EPB41L4A: variants seen among roughly 807,000 people sequenced by gnomAD.
EPB41L4A encodes the protein erythrocyte membrane protein band 4.1 like 4A.
EPB41L4A carries 100 observed loss-of-function variants against 108.6 expected under a neutral mutation model. The observed-to-expected ratio is 0.92, with a 90% confidence interval of 0.78 to 1.09. The LOEUF (loss-of-function observed/expected upper bound fraction) is 1.09, where lower values mean the gene tolerates loss of function less well. EPB41L4A is among the 50% of genes least tolerant of loss of function. The pLI is 0.00. For missense variants in EPB41L4A, 1,030 were observed against 842.7 expected, an observed-to-expected ratio of 1.22 and a Z score of -2.75; for synonymous variants, 319 against 289.0, an observed-to-expected ratio of 1.10 and a Z score of -1.05.
chr5:112,387,746 T>G (rs1760659693), intron 1 of EPB41L4A, among the ~76,000 whole-genome samples: 1 of 152,226 alleles, frequency 6.6e-6, no homozygotes, highest in Non-Finnish European at 1.5e-5. Flanking sequence ...AGTTTCTACA[T>G]TTTCAAATAT....
chr5:112,254,970 G>C (rs1313684344), intron 9 of EPB41L4A, among the ~76,000 whole-genome samples: 1 of 151,974 alleles, frequency 6.6e-6, no homozygotes, highest in Non-Finnish European at 1.5e-5. Context: ...TGTAGCCCTC[G>C]AGGGATGGCT....
At chr5:112,419,599 T>G (rs1438092764), upstream of EPB41L4A, 3 of 454,700 alleles carry the variant, frequency 6.6e-6, no homozygotes, top group South Asian at 3.1e-5. Context: ...CCGCCGAGTA[T>G]GAAGCGCTCG....
chr5:112,202,608 G>A (rs1314986320), intron 15 of EPB41L4A, among the ~76,000 whole-genome samples: 1 of 152,074 alleles, frequency 6.6e-6, no homozygotes, highest in Non-Finnish European at 1.5e-5. Flanking sequence ...CTATTATTCT[G>A]TCTAATCATT....
At chr5:112,198,766 CTAATTT>C (rs1762083533) in intron 15 of EPB41L4A, among the ~76,000 whole-genome samples, 1 of 152,142 alleles carries the variant, frequency 6.6e-6, no homozygotes, top group Non-Finnish European at 1.5e-5. Context: ...TTCTGCCACA[CTAATTT>C]TAAGCCTAAT....
At chr5:112,202,317 C>T (rs925628955) in intron 15 of EPB41L4A, among the ~76,000 whole-genome samples, 20 of 152,174 alleles carry the variant, frequency 1.3e-4, no homozygotes, top group Admixed American at 9.8e-4. Context: ...TTCTGGTCTC[C>T]AGGTAACACC....
chr5:112,376,397 C>T (rs895985562), intron 1 of EPB41L4A, among the ~76,000 whole-genome samples: 2 of 152,132 alleles, frequency 1.3e-5, no homozygotes, highest in African/African-American at 2.4e-5. Context: ...CTGCCAAGGA[C>T]ACAAAGAAAT....
Position 112,168,751 on chromosome 5 carries a change from A to T in EPB41L4A, c.1920T>A (p.Ala640=). The change falls in exon 22 of 23, where the codon GCT becomes GCA. Residue 640 remains alanine, a synonymous_variant. Coordinates refer to ENST00000261486, the MANE Select transcript of EPB41L4A (RefSeq NM_022140.5). ...RSSDAQGSGD[A]TVHQRRNGSK... ...TACTATTACTAACCTGATGAACTGT[A>T]GCATCCCCAGAACCCTGAGCATCCG... 2 of 1,613,494 alleles carry T rather than the reference A, an allele frequency of 1.2e-6. No individual in the cohort carries two copies. The highest frequency in any genetic ancestry group is 1.7e-6 in the Non-Finnish European group (2 of 1,179,386).
intron 2 of EPB41L4A, among the ~76,000 whole-genome samples, chr5:112,299,451 T>C (rs1754214356): frequency 6.6e-6 from 1 of 152,224 alleles, no homozygotes; most frequent in Non-Finnish European, 1.5e-5. Context: ...TGGCCTATCA[T>C]ATGGTCTATT....
At chr5:112,408,349 G>C (rs1283298132) in intron 1 of EPB41L4A, among the ~76,000 whole-genome samples, 2 of 152,058 alleles carry the variant, frequency 1.3e-5, no homozygotes, top group Admixed American at 6.5e-5. Context: ...AAAAAATATA[G>C]ATAAACTGGA....
At chr5:112,346,637 A>T (rs1227231250) in intron 1 of EPB41L4A, among the ~76,000 whole-genome samples, 1 of 152,224 alleles carries the variant, frequency 6.6e-6, no homozygotes, top group African/African-American at 2.4e-5. Context: ...GGTTCTCACC[A>T]AAAACGTTAG....
intron 9 of EPB41L4A, chr5:112,257,266 T>C (rs1009278483): frequency 6.6e-6 from 1 of 152,188 alleles, no homozygotes; most frequent in Non-Finnish European, 1.5e-5. Context: ...TTTGACTAAA[T>C]GAATGTGATA....
intron 1 of EPB41L4A, among the ~76,000 whole-genome samples, chr5:112,397,807 G>C (rs1247736921): frequency 6.6e-6 from 1 of 152,170 alleles, no homozygotes; most frequent in Non-Finnish European, 1.5e-5. Flanking sequence ...GAAATGAAGA[G>C]AGTCAGGGAC....
chr5:112,345,768 C>CAT (rs113557925), intron 1 of EPB41L4A, among the ~76,000 whole-genome samples: 86 of 119,220 alleles, frequency 7.2e-4, no homozygotes, highest in Admixed American at 2.0e-3. Context: ...TATATATATA[C>CAT]ATATATATAT....
intron 17 of EPB41L4A, among the ~76,000 whole-genome samples, chr5:112,187,821 T>A (rs1761501363): frequency 6.6e-6 from 1 of 152,210 alleles, no homozygotes; most frequent in African/African-American, 2.4e-5. Flanking sequence ...TAAGAAGTCT[T>A]TCAGAGAGAA....
At chr5:112,208,113 G>A (rs967076836) in intron 13 of EPB41L4A, among the ~76,000 whole-genome samples, 1 of 151,974 alleles carries the variant, frequency 6.6e-6, no homozygotes, top group Non-Finnish European at 1.5e-5. Context: ...GGGAGTGGTG[G>A]CACACGCCTG....
intron 18 of EPB41L4A, among the ~76,000 whole-genome samples, chr5:112,180,695 A>G (rs1248978195): frequency 6.6e-6 from 1 of 151,932 alleles, no homozygotes; most frequent in Non-Finnish European, 1.5e-5. Context: ...AATGAAAAAA[A>G]CTGATACACT....
intron 2 of EPB41L4A, among the ~76,000 whole-genome samples, chr5:112,301,878 AT>A (rs1420603339): frequency 6.6e-6 from 1 of 152,084 alleles, no homozygotes; most frequent in Non-Finnish European, 1.5e-5. Flanking sequence ...TAAAATTCCA[AT>A]TTATATGTAT....
chr5:112,358,201 G>A (rs894719071), intron 1 of EPB41L4A, among the ~76,000 whole-genome samples: 1 of 152,220 alleles, frequency 6.6e-6, no homozygotes, highest in Non-Finnish European at 1.5e-5. Context: ...TTTCCATCAA[G>A]GGAGAGGTAA....
rs550699294 is a variant in EPB41L4A, at chr5:112,204,786, C to T, written c.1263-298G>A. On this transcript the variant is annotated intron_variant, in intron 14 of 22. Coordinates refer to ENST00000261486, the MANE Select transcript of EPB41L4A (RefSeq NM_022140.5). Reference sequence around the variant, plus strand: ...ATACATATGATGAATTTAGCCCTTTCTAAACACTGACTCAGCTAAAGACTT... The same window carrying T: ...ATACATATGATGAATTTAGCCCTTTTTAAACACTGACTCAGCTAAAGACTT... 1.2e-3 allele frequency: 307 copies of T among 253,620 alleles called. 3 individuals are homozygous for T. Among genetic ancestry groups the T allele is most frequent in the African/African-American group, 6.4e-3 (300 of 46,752 alleles). The allele number at this position is 253,620 out of a possible 1,614,324, so 15.7% of individuals were successfully genotyped here. A position where few individuals can be genotyped will look rare whatever the true frequency, so the allele number is the denominator to read the frequency against.
Sources: gnomAD v4.1 joint callset for allele counts (sites outside exome capture counted in the v4.1 genomes callset) on GRCh38, gnomAD v4.1.1 for gene constraint, MANE v1.5 for transcripts, NCBI Gene and HGNC (gene_info 2026-07-23, HGNC 2026-07-21) for gene names.